The following TCF4 variants were observed in gnomAD, a reference collection of about 807,000 sequenced individuals.
TCF4 encodes the protein transcription factor 4, also known as SL3-3 enhancer factor 2.
A neutral mutation model predicts 82.1 loss-of-function variants in TCF4; 3 were observed. The ratio of observed to expected loss-of-function variants is 0.04; its 90% CI spans 0.02 to 0.09. The LOEUF is 0.09. TCF4 is among the 10% of genes least tolerant of loss of function. TCF4 has a pLI of 1.00. For synonymous variants in TCF4, 276 were observed against 309.6 expected, an observed-to-expected ratio of 0.89 and a Z score of 1.14; for missense variants, 518 against 852.7, an observed-to-expected ratio of 0.61 and a Z score of 4.89.
Position 55,401,130 on chromosome 18 carries a change from C to T in TCF4, c.369+2324G>A, listed in dbSNP as rs41356350. 2,396 of 1,288,044 alleles carry T rather than the reference C, an allele frequency of 1.9e-3. 20 individuals are homozygous for T. In the African/African-American group the frequency reaches 0.025, roughly 14 times the overall value. The allele number at this position is 1,288,044 out of a possible 1,614,324, so 79.8% of individuals were successfully genotyped here. A position where few individuals can be genotyped will look rare whatever the true frequency, so the allele number is the denominator to read the frequency against. Reference sequence around the variant, plus strand: ...GTAGACAGGGATTCAAATAACAATACGGCACAAGAGAAACTGATTCACTGG... The same window carrying T: ...GTAGACAGGGATTCAAATAACAATATGGCACAAGAGAAACTGATTCACTGG... On this transcript the variant is annotated intron_variant, in intron 6 of 19. Transcript: ENST00000354452.
intron 5 of TCF4, among the ~76,000 whole-genome samples, chr18:55,455,653 A>G (rs1323219896): frequency 6.6e-6 from 1 of 152,156 alleles, no homozygotes; most frequent in Non-Finnish European, 1.5e-5. Flanking sequence ...TCTAGAGCTG[A>G]CATCTATATT....
chr18:55,554,935 A>G (rs1369926760), intron 3 of TCF4, among the ~76,000 whole-genome samples: 1 of 152,240 alleles, frequency 6.6e-6, no homozygotes, highest in Non-Finnish European at 1.5e-5. Flanking sequence ...AGTGACAGGG[A>G]TCAACAGCAG....
intron 3 of TCF4, among the ~76,000 whole-genome samples, chr18:55,470,847 T>C (rs1343461921): frequency 1.3e-5 from 2 of 152,216 alleles, no homozygotes; most frequent in Non-Finnish European, 2.9e-5. Flanking sequence ...AGAGATAGGA[T>C]GTCAAGTTCT....
In TCF4 at chr18:55,279,647, G is replaced by A; in HGVS notation, c.559C>T (p.Pro187Ser). 1 of 1,613,956 alleles carries A rather than the reference G, an allele frequency of 6.2e-7. No homozygotes were observed. Among genetic ancestry groups the A allele is most frequent in the Non-Finnish European group, 8.5e-7 (1 of 1,179,880 alleles). Residue 187 changes from proline to serine, a missense_variant, in exon 9 of 20, where the codon CCA becomes TCA. By Grantham distance (74) the Pro-to-Ser change is moderately conservative. Transcript: ENST00000354452. ...TTGTAGTCGGCAGTGCTTGCTGATG[G>A]AGCATAGACCTGAGGAGAAAGAACC... The part of the protein sequence containing the change: ...PPGLPSSVYA[P>S]SASTADYNRD...
chr18:55,449,897 G>T (rs1041111704), intron 5 of TCF4, among the ~76,000 whole-genome samples: 10 of 150,638 alleles, frequency 6.6e-5, no homozygotes, highest in African/African-American at 2.2e-4. Flanking sequence ...CGTTCTGCCA[G>T]AATTCACTAC....
At chr18:55,538,492 G>A (rs1603620115) in intron 3 of TCF4, among the ~76,000 whole-genome samples, 1 of 152,092 alleles carries the variant, frequency 6.6e-6, no homozygotes, top group Non-Finnish European at 1.5e-5. Flanking sequence ...CTGTAGTTGG[G>A]GCCTGAGCCA....
chr18:55,421,009 T>C (rs1240791409), intron 5 of TCF4, among the ~76,000 whole-genome samples: 1 of 152,072 alleles, frequency 6.6e-6, no homozygotes, highest in African/African-American at 2.4e-5. Context: ...TAACCTATCG[T>C]TTCAGATTGC....
chr18:55,344,453 A>G (rs907299448), intron 8 of TCF4, among the ~76,000 whole-genome samples: 4 of 152,102 alleles, frequency 2.6e-5, no homozygotes, highest in African/African-American at 9.7e-5. Context: ...GTGGTTTCCT[A>G]CACTTCTCAG....
chr18:55,480,050 A>T (rs1369650833), intron 3 of TCF4, among the ~76,000 whole-genome samples: 3 of 152,094 alleles, frequency 2.0e-5, no homozygotes, highest in Non-Finnish European at 4.4e-5. Flanking sequence ...TCTCAAGAAA[A>T]TAGACACAAG....
chr18:55,512,010 C>T (rs17089851), intron 3 of TCF4, among the ~76,000 whole-genome samples: 50,757 of 151,986 alleles, frequency 0.33, 8,718 homozygotes, highest in East Asian at 0.5. Context: ...GAATCATGAA[C>T]ATGAAAAACG....
At chr18:55,300,714 A>G (rs573228519) in intron 8 of TCF4, among the ~76,000 whole-genome samples, 2 of 151,628 alleles carry the variant, frequency 1.3e-5, no homozygotes, top group South Asian at 2.1e-4. Flanking sequence ...AACAGCAACC[A>G]CTCTCGCGGC....
rs372174689 is a variant in TCF4, at chr18:55,389,831, G to A, written c.369+13623C>T. 3.9e-5 allele frequency among the ~76,000 whole-genome samples: 6 copies of A among 151,968 alleles called. No homozygotes were observed. In the South Asian group the frequency reaches 8.3e-4, roughly 21 times the overall value. On this transcript the variant is annotated intron_variant, in intron 6 of 19. Transcript: ENST00000354452. ...GGATCAGAGCAGCACGGGCAGCCACGGTGGTGACTGGGGGTCTAGGAGGCA... is the reference window on the plus strand; with the variant it reads ...GGATCAGAGCAGCACGGGCAGCCACAGTGGTGACTGGGGGTCTAGGAGGCA...
intron 3 of TCF4, among the ~76,000 whole-genome samples, chr18:55,577,109 T>A (rs1173435054): frequency 2.7e-5 from 4 of 146,584 alleles, no homozygotes; most frequent in Non-Finnish European, 4.5e-5. Flanking sequence ...TATTTATATA[T>A]GTATATATAC....
chr18:55,496,896 C>CAAAAA (rs60244407), intron 3 of TCF4, among the ~76,000 whole-genome samples: 1 of 108,706 alleles, frequency 9.2e-6, no homozygotes, highest in Non-Finnish European at 1.9e-5. Context: ...TGTAAAATTA[C>CAAAAA]AAAAAAAAAA....
intron 8 of TCF4, among the ~76,000 whole-genome samples, chr18:55,326,578 T>G (rs1218925763): frequency 2.0e-5 from 3 of 152,072 alleles, no homozygotes; most frequent in African/African-American, 7.2e-5. Context: ...GGCCTGAGAA[T>G]TATGTATGTA....
intron 3 of TCF4, among the ~76,000 whole-genome samples, chr18:55,523,340 A>G (rs1261322201): frequency 2.0e-5 from 3 of 152,048 alleles, no homozygotes; most frequent in Non-Finnish European, 4.4e-5. Context: ...ATGAATTAAT[A>G]AATTAGAAAA....
intron 6 of TCF4, among the ~76,000 whole-genome samples, chr18:55,361,988 C>A (rs1394194312): frequency 6.6e-6 from 1 of 152,166 alleles, no homozygotes; most frequent in Non-Finnish European, 1.5e-5. Flanking sequence ...TTCCACTGAT[C>A]TTTCTTACAT....
intron 6 of TCF4, among the ~76,000 whole-genome samples, chr18:55,354,623 T>C (rs779489588): frequency 7.9e-5 from 12 of 152,214 alleles, no homozygotes; most frequent in African/African-American, 1.2e-4. Flanking sequence ...ACTAAAATCA[T>C]CTTGCTCTGA....
intron 2 of TCF4, among the ~76,000 whole-genome samples, chr18:55,624,267 A>T (rs1345806831): frequency 6.6e-6 from 1 of 151,868 alleles, no homozygotes; most frequent in Non-Finnish European, 1.5e-5. Flanking sequence ...ATTGTATTTG[A>T]AGAGACCTCC....
Sources: allele counts gnomAD v4.1 joint callset (sites outside exome capture counted in the v4.1 genomes callset), GRCh38; gene constraint gnomAD v4.1.1; transcripts MANE v1.5; gene names NCBI Gene and HGNC (gene_info 2026-07-23, HGNC 2026-07-21).